MCM5: variants seen among roughly 807,000 people sequenced by gnomAD.
MCM5 encodes minichromosome maintenance complex component 5, also known as DNA replication licensing factor MCM5.
Under a neutral mutation model 79.9 loss-of-function variants are expected in MCM5, and 46 were observed. The ratio of observed to expected loss-of-function variants is 0.58; its 90% CI spans 0.45 to 0.74. The LOEUF is 0.74. Among genes scored for constraint, MCM5 ranks in the 30% least tolerant of loss-of-function variants. MCM5 has a pLI of 0.00. For synonymous variants in MCM5, 404 were observed against 390.5 expected (o/e 1.03, Z -0.41); for missense variants, 883 against 1,017.0 (o/e 0.87, Z 1.79).
chr22:35,412,385 G>A (rs779238996), intron 7 of MCM5, 125 bp from the exon 8 acceptor site: 50 of 669,368 alleles, frequency 7.5e-5, no homozygotes, highest in Non-Finnish European at 1.0e-4. Context: ...GATAGGTTGT[G>A]CTGTCCTGGC....
At chr22:35,428,089 C>T (rs1329964042), downstream of MCM5, among the ~76,000 whole-genome samples, 5 of 150,150 alleles carry the variant, frequency 3.3e-5, no homozygotes, top group South Asian at 4.2e-4. Flanking sequence ...GGCGCGATCT[C>T]GGCTCACTGC....
chr22:35,431,428 A>G, the MCM5 span, among the ~76,000 whole-genome samples: 90 of 152,324 alleles, frequency 5.9e-4, no homozygotes, highest in African/African-American at 2.0e-3. Flanking sequence ...TTAGAAGGCT[A>G]GACTCTTAGA....
the MCM5 span, among the ~76,000 whole-genome samples, chr22:35,448,640 GC>G: frequency 2.0e-5 from 3 of 152,230 alleles, no homozygotes; most frequent in African/African-American, 7.2e-5. Flanking sequence ...GGAGAAGACA[GC>G]GATGAGGAGA....
chr22:35,400,716 A>T, intron 2 of MCM5, 111 bp downstream of exon 2: 1 of 1,233,060 alleles, frequency 8.1e-7, no homozygotes, highest in Non-Finnish European at 1.1e-6. Context: ...CAGACGGGGG[A>T]AAGAGCCGGT....
chr22:35,404,318 T>G (rs1278085362), intron 4 of MCM5, among the ~76,000 whole-genome samples: 1 of 152,246 alleles, frequency 6.6e-6, no homozygotes, highest in Non-Finnish European at 1.5e-5. Flanking sequence ...ACTGGATTGT[T>G]GTTTAAATCT....
intron 13 of MCM5, 37 bp from the exon 14 acceptor site, chr22:35,419,847 C>T (rs765472536): frequency 6.3e-6 from 10 of 1,575,492 alleles, no homozygotes; most frequent in Non-Finnish European, 1.7e-6. Flanking sequence ...AAGAGTCCCT[C>T]CTGGCCTCAC....
At chr22:35,419,047 G>C (rs4645804) in intron 13 of MCM5, among the ~76,000 whole-genome samples, 1 of 152,188 alleles carries the variant, frequency 6.6e-6, no homozygotes, top group Non-Finnish European at 1.5e-5. Context: ...CACTACCAGT[G>C]GGGGGCTGGT....
the MCM5 span, among the ~76,000 whole-genome samples, chr22:35,431,507 T>G: frequency 5.9e-5 from 9 of 152,124 alleles, no homozygotes; most frequent in Non-Finnish European, 1.0e-4. Context: ...AAGACAAAAG[T>G]AAAACCAGTC....
rs750531135 is a variant in MCM5 at position 35,403,555 on chromosome 22, G to T, written c.423+13G>T. The T allele has an allele frequency of 1.1e-5, 18 of 1,611,134 alleles. No homozygotes were observed. The Admixed American group carries it at 3.0e-4, about 27-fold the overall frequency. On this transcript the variant is annotated intron_variant, in intron 4 of 16. Transcript: ENST00000216122. ...TCGTAGCCTGAAGGTGGGTCGGAGGGCAGTGGCTGCTGCATGGTGCAGAGG... is the reference window on the plus strand; with the variant it reads ...TCGTAGCCTGAAGGTGGGTCGGAGGTCAGTGGCTGCTGCATGGTGCAGAGG...
chr22:35,430,895 T>TA, the MCM5 span, among the ~76,000 whole-genome samples: 3 of 151,794 alleles, frequency 2.0e-5, no homozygotes, highest in Non-Finnish European at 2.9e-5. Flanking sequence ...TTGGTCTTTT[T>TA]AAAAAAAATA....
At chr22:35,416,511 C>CTG (rs133421) in intron 11 of MCM5, 107 bp downstream of exon 11, 19,446 of 1,017,506 alleles carry the variant, frequency 0.019, 168 homozygotes, top group East Asian at 0.048. Context: ...GGCCTAGAAT[C>CTG]TGTGTGTGTG....
At chr22:35,441,935 GC>G in the MCM5 span, among the ~76,000 whole-genome samples, 2 of 152,074 alleles carry the variant, frequency 1.3e-5, no homozygotes, top group Admixed American at 1.3e-4. Context: ...CGGTTCAGAG[GC>G]CCCTTCCCAT....
chr22:35,421,127 CAAAAAAAAAAAA>C (rs133430), intron 14 of MCM5, among the ~76,000 whole-genome samples, 179 bp from the exon 15 acceptor site: 1 of 88,918 alleles, frequency 1.1e-5, no homozygotes, highest in Non-Finnish European at 2.1e-5. Context: ...GACTTTGTCT[CAAAAAAAAAAAA>C]AAAAAAAAAA....
At chr22:35,418,178 G>C (rs775135454) in intron 13 of MCM5, among the ~76,000 whole-genome samples, 1 of 152,130 alleles carries the variant, frequency 6.6e-6, no homozygotes, top group Non-Finnish European at 1.5e-5. Context: ...TTCACTCTAT[G>C]ACTTTGGGCA....
intron 4 of MCM5, among the ~76,000 whole-genome samples, chr22:35,404,699 C>T (rs1932159628): frequency 6.6e-6 from 1 of 152,160 alleles, no homozygotes; most frequent in African/African-American, 2.4e-5. Context: ...CCTCCCCAGC[C>T]TCGCTTCTGC....
chr22:35,401,357 T>C (rs1223902532), intron 2 of MCM5: 2 of 468,756 alleles, frequency 4.3e-6, no homozygotes, highest in Admixed American at 2.4e-5. Flanking sequence ...CGCTCATTCA[T>C]TTATTTATAC....
chr22:35,411,651 A>G (rs1357409358), intron 7 of MCM5, among the ~76,000 whole-genome samples: 2 of 152,136 alleles, frequency 1.3e-5, no homozygotes, highest in African/African-American at 4.8e-5. Flanking sequence ...CTCTGGCTGC[A>G]GTGAATTGAT....
At chr22:35,414,500 T>C (rs1471168477) in intron 9 of MCM5, among the ~76,000 whole-genome samples, 3 of 152,112 alleles carry the variant, frequency 2.0e-5, no homozygotes, top group Admixed American at 1.3e-4. Context: ...GCACCTGTGG[T>C]CCCAGCTGCT....
intron 7 of MCM5, 120 bp from the exon 8 acceptor site, chr22:35,412,390 C>T: frequency 1.3e-6 from 1 of 752,540 alleles, no homozygotes; most frequent in Non-Finnish European, 2.0e-6. Context: ...GTTGTGCTGT[C>T]CTGGCCCTAA....
Sources: gnomAD v4.1 joint callset for allele counts (sites outside exome capture counted in the v4.1 genomes callset) on GRCh38, gnomAD v4.1.1 for gene constraint, MANE v1.5 for transcripts, NCBI Gene and HGNC (gene_info 2026-07-23, HGNC 2026-07-21) for gene names.